GPC5: variants seen among roughly 807,000 people sequenced by gnomAD.
GPC5 encodes glypican 5, also known as glypican-5.
Under a neutral mutation model 53.9 loss-of-function variants are expected in GPC5, and 47 were observed. The observed-to-expected ratio is 0.87, with a 90% CI of 0.69 to 1.11. GPC5 has a LOEUF of 1.11. GPC5 is among the 50% of genes most tolerant of loss of function. GPC5 has a pLI of 0.00. For synonymous variants in GPC5, 286 were observed against 263.3 expected (o/e 1.09, Z -0.84); for missense variants, 748 against 713.1 (o/e 1.05, Z -0.56).
At chr13:92,537,362 C>G (rs1479758671) in intron 7 of GPC5, among the ~76,000 whole-genome samples, 1 of 152,122 alleles carries the variant, frequency 6.6e-6, no homozygotes, top group Non-Finnish European at 1.5e-5. Context: ...AAAGGCAACT[C>G]TAACTGCACC....
chr13:91,529,149 T>A (rs535916107), intron 2 of GPC5, among the ~76,000 whole-genome samples: 1 of 152,366 alleles, frequency 6.6e-6, no homozygotes, highest in East Asian at 1.9e-4. Context: ...TAAGGCGTTC[T>A]GTTTTGGTTA....
intron 5 of GPC5, among the ~76,000 whole-genome samples, chr13:91,836,454 C>T (rs1329870898): frequency 6.6e-6 from 1 of 152,018 alleles, no homozygotes; most frequent in Non-Finnish European, 1.5e-5. Context: ...TAAAAAATAT[C>T]TGTTCTGCTT....
intron 6 of GPC5, among the ~76,000 whole-genome samples, chr13:92,104,454 C>T (rs539646347): frequency 5.3e-5 from 8 of 152,082 alleles, no homozygotes; most frequent in Non-Finnish European, 7.4e-5. Context: ...TTTATCTTTC[C>T]GGAAATCCTA....
At chr13:92,353,281 A>G (rs940252755) in intron 7 of GPC5, among the ~76,000 whole-genome samples, 3 of 150,530 alleles carry the variant, frequency 2.0e-5, no homozygotes, top group Non-Finnish European at 1.5e-5. Flanking sequence ...AAAAAAAAAA[A>G]AAAGAAATGT....
chr13:92,171,033 ATTC>A (rs2042067015), intron 7 of GPC5, among the ~76,000 whole-genome samples: 3 of 152,018 alleles, frequency 2.0e-5, no homozygotes, highest in Non-Finnish European at 2.9e-5. Flanking sequence ...CACCTACTCT[ATTC>A]TTCTTAAATA....
At chr13:92,250,150 C>T (rs576919738) in intron 7 of GPC5, among the ~76,000 whole-genome samples, 1 of 151,852 alleles carries the variant, frequency 6.6e-6, no homozygotes, top group African/African-American at 2.4e-5. Flanking sequence ...TTCAATGATA[C>T]ATGCTCAGCC....
chr13:91,680,570 A>G (rs560013915), intron 2 of GPC5, among the ~76,000 whole-genome samples: 1 of 152,372 alleles, frequency 6.6e-6, no homozygotes, highest in African/African-American at 2.4e-5. Flanking sequence ...AGAACCATTC[A>G]TAATAAAAGA....
At chr13:91,633,561 G>A (rs994614637) in intron 2 of GPC5, among the ~76,000 whole-genome samples, 3 of 152,122 alleles carry the variant, frequency 2.0e-5, no homozygotes, top group African/African-American at 7.2e-5. Context: ...ATTGAAGATG[G>A]TTCCTTGTGG....
At chr13:92,862,320 T>G (rs1390724003) in intron 7 of GPC5, among the ~76,000 whole-genome samples, 3 of 152,192 alleles carry the variant, frequency 2.0e-5, no homozygotes. Context: ...CAATATTAAT[T>G]AAAAGTGTTC....
intron 7 of GPC5, among the ~76,000 whole-genome samples, chr13:92,523,504 A>G (rs1227313091): frequency 6.6e-6 from 1 of 152,138 alleles, no homozygotes; most frequent in Non-Finnish European, 1.5e-5. Flanking sequence ...TTGATTTTGT[A>G]AATACATACA....
chr13:92,524,616 C>T (rs1881204721), intron 7 of GPC5, among the ~76,000 whole-genome samples: 1 of 152,100 alleles, frequency 6.6e-6, no homozygotes, highest in Admixed American at 6.6e-5. Flanking sequence ...TCTATCTGGT[C>T]TCCTAGACCT....
At chr13:92,406,977 C>T (rs2139343917) in intron 7 of GPC5, among the ~76,000 whole-genome samples, 1 of 152,228 alleles carries the variant, frequency 6.6e-6, no homozygotes, top group Non-Finnish European at 1.5e-5. Context: ...ACTTCTACTA[C>T]CCATTTTCTA....
intron 7 of GPC5, among the ~76,000 whole-genome samples, chr13:92,685,559 A>AATTTTTTTTTTTTTAATTTTTTTTTTTTT (rs1887243620): frequency 9.6e-6 from 1 of 104,584 alleles, no homozygotes; most frequent in East Asian, 4.7e-4. Context: ...TTTTTTTTTT[A>AATTTTTTTTTTTTTAATTTTTTTTTTTTT]ATTTTTTTTT....
intron 7 of GPC5, among the ~76,000 whole-genome samples, chr13:92,843,956 TGGCTGTTA>T: frequency 6.6e-6 from 1 of 151,420 alleles, no homozygotes; most frequent in African/African-American, 2.4e-5. Flanking sequence ...CCTTTGCCCC[TGGCTGTTA>T]GGCAGTAATG....
chr13:92,199,073 C>T (rs971790261), intron 7 of GPC5, among the ~76,000 whole-genome samples: 1 of 152,186 alleles, frequency 6.6e-6, no homozygotes, highest in Non-Finnish European at 1.5e-5. Flanking sequence ...CACATCAATG[C>T]TACATCAAAG....
intron 7 of GPC5, among the ~76,000 whole-genome samples, chr13:92,236,503 T>C (rs1383715365): frequency 6.6e-6 from 1 of 152,092 alleles, no homozygotes; most frequent in African/African-American, 2.4e-5. Context: ...AAGGTGAAAT[T>C]GTGGAACTGT....
intron 7 of GPC5, among the ~76,000 whole-genome samples, chr13:92,799,909 T>C (rs1876837372): frequency 6.6e-6 from 1 of 151,854 alleles, no homozygotes; most frequent in Admixed American, 6.6e-5. Flanking sequence ...TGATTCAAAT[T>C]TTTCATTTCA....
chr13:92,060,392 T>C (rs1405720040), intron 6 of GPC5, among the ~76,000 whole-genome samples: 2 of 152,064 alleles, frequency 1.3e-5, no homozygotes, highest in African/African-American at 4.8e-5. Flanking sequence ...CATATAACCA[T>C]ATACAGTACA....
chr13:91,925,617 A>C (rs1258409860), intron 6 of GPC5, among the ~76,000 whole-genome samples: 2 of 152,348 alleles, frequency 1.3e-5, no homozygotes, highest in African/African-American at 4.8e-5. Context: ...AGGAAAGCTG[A>C]AAATAATATT....
Sources: allele counts gnomAD v4.1 joint callset (sites outside exome capture counted in the v4.1 genomes callset), GRCh38; gene constraint gnomAD v4.1.1; transcripts MANE v1.5; gene names NCBI Gene and HGNC (gene_info 2026-07-23, HGNC 2026-07-21).